Variants in SLC22A25 observed in about 807,000 individuals in gnomAD.
SLC22A25 encodes the protein MGI:2442751, MGI:2385316, MGI:3042283, MGI:3645714, MGI:3605624, MGI:2442750.
Under a neutral mutation model 45.9 loss-of-function variants are expected in SLC22A25, and 44 were observed. The observed-to-expected ratio is 0.96, with a 90% CI of 0.75 to 1.23. The LOEUF (loss-of-function observed/expected upper bound fraction) is 1.23, where lower values mean the gene tolerates loss of function less well. Ranked by LOEUF, SLC22A25 falls within the 50% of genes most tolerant of loss-of-function variation. The pLI is 0.00. For synonymous variants in SLC22A25, 283 were observed against 238.6 expected, an observed-to-expected ratio of 1.19 and a Z score of -1.72; for missense variants, 800 against 666.4, an observed-to-expected ratio of 1.20 and a Z score of -2.21.
rs776976978 is a variant in SLC22A25 at position 63,180,753 on chromosome 11, T to C, written c.977A>G (p.Gln326Arg). 1 of 1,613,088 alleles carries C rather than the reference T, an allele frequency of 6.2e-7. No homozygotes were observed. Among genetic ancestry groups the C allele is most frequent in the South Asian group, 1.1e-5 (1 of 90,970 alleles). Residue 326 changes from glutamine to arginine, a missense_variant, in exon 9 of 12, where the codon CAA becomes CGA. Coordinates refer to ENST00000306494, the MANE Select transcript of SLC22A25 (RefSeq NM_199352.6). The stretch of plus-strand genomic sequence containing the variant: ...CTTTTTCTGTGCTGCCTCCAGTTCT[T>C]GCTTCATGGTGGATTTCAAAACCTT... The part of the protein sequence containing the change: ...TMEVLKSTMK[Q>R]ELEAAQKKHS...
intron 5 of SLC22A25, among the ~76,000 whole-genome samples, chr11:63,226,116 A>G (rs538063985): frequency 6.6e-6 from 1 of 152,166 alleles, no homozygotes; most frequent in Admixed American, 6.5e-5. Context: ...AAGGTCACAT[A>G]TCTGTCTCTC....
chr11:63,178,486 T>C (rs2088199220), intron 9 of SLC22A25, among the ~76,000 whole-genome samples: 1 of 151,716 alleles, frequency 6.6e-6, no homozygotes, highest in South Asian at 2.1e-4. Context: ...ATTTTTTTTT[T>C]TGTCTTTTTG....
intron 7 of SLC22A25, among the ~76,000 whole-genome samples, chr11:63,213,853 T>C (rs1219200386): frequency 6.6e-6 from 1 of 152,162 alleles, no homozygotes; most frequent in East Asian, 1.9e-4. Context: ...AGCAGTTTCA[T>C]AACAGATGGG....
intron 5 of SLC22A25, chr11:63,218,100 T>C (rs985211249): frequency 4.2e-6 from 2 of 473,922 alleles, no homozygotes; most frequent in South Asian, 3.1e-5. Context: ...GAAGCACTAT[T>C]CACAGTAGCA....
chr11:63,167,469 A>G (rs2087725884), intron 9 of SLC22A25: 1 of 152,238 alleles, frequency 6.6e-6, no homozygotes, highest in Non-Finnish European at 1.5e-5. Flanking sequence ...GGGATGATCA[A>G]CCTTGGTGGG....
intron 3 of SLC22A25, among the ~76,000 whole-genome samples, chr11:63,234,872 T>G (rs934050199): frequency 3.9e-5 from 6 of 152,322 alleles, no homozygotes; most frequent in African/African-American, 1.4e-4. Flanking sequence ...GTGTGTAAAT[T>G]ATTTCATTTC....
At chr11:63,221,662 G>A (rs921636383) in intron 5 of SLC22A25, among the ~76,000 whole-genome samples, 7 of 151,884 alleles carry the variant, frequency 4.6e-5, no homozygotes, top group African/African-American at 1.2e-4. Flanking sequence ...TTTTTGCATC[G>A]TTTGCCTGTG....
intron 7 of SLC22A25, among the ~76,000 whole-genome samples, chr11:63,190,100 A>G (rs2088741804): frequency 6.6e-6 from 1 of 152,110 alleles, no homozygotes; most frequent in African/African-American, 2.4e-5. Flanking sequence ...CTGCCTTGCT[A>G]GATTGGGGAA....
intron 1 of SLC22A25, among the ~76,000 whole-genome samples, chr11:63,239,399 TTA>T (rs1164665323): frequency 6.6e-6 from 1 of 152,212 alleles, no homozygotes; most frequent in Non-Finnish European, 1.5e-5. Context: ...TTGTGAAAAT[TTA>T]TGTTATCAGC....
At position 63,166,280 on chromosome 11, in the gene SLC22A25, G is replaced by A. The variant is rs1003718616; in HGVS notation, c.1071-22C>T. ...AAATCTGCAGGGAACACAGAAAAAG[G>A]CACATATTATAATCTGTGGAACCTA... is the stretch of plus-strand genomic sequence containing the variant. On this transcript the variant is annotated intron_variant, in intron 9 of 11. Coordinates refer to ENST00000306494, the MANE Select transcript of SLC22A25 (RefSeq NM_199352.6). 6.8e-6 allele frequency: 11 copies of A among 1,612,570 alleles called. No homozygotes were observed. The African/African-American group carries it at 1.2e-4, about 18-fold the overall frequency.
intron 5 of SLC22A25, among the ~76,000 whole-genome samples, chr11:63,222,348 G>C (rs2089871895): frequency 6.6e-6 from 1 of 151,878 alleles, no homozygotes; most frequent in Non-Finnish European, 1.5e-5. Flanking sequence ...TCACTTCTTA[G>C]GTTATATTCT....
At position 63,161,593 on chromosome 11, in the gene SLC22A25, T is replaced by C. The variant is rs1475283896; in HGVS notation, c.*2231A>G. Reference sequence around the variant, plus strand: ...AATCTCACATGATCTGATGGTTTTATAAAAGGGAGTTTCCCTGCAAAAATT... The same window carrying C: ...AATCTCACATGATCTGATGGTTTTACAAAAGGGAGTTTCCCTGCAAAAATT... On this transcript the variant is annotated 3_prime_UTR_variant, in exon 12 of 12. Transcript: ENST00000306494. 6.6e-6 allele frequency among the ~76,000 whole-genome samples: 1 copy of C among 152,176 alleles called. No homozygotes were observed. The highest frequency in any genetic ancestry group is 1.5e-5 in the Non-Finnish European group (1 of 68,028).
At chr11:63,211,121 A>C (rs1033573253) in intron 7 of SLC22A25, among the ~76,000 whole-genome samples, 3 of 151,408 alleles carry the variant, frequency 2.0e-5, no homozygotes, top group Non-Finnish European at 2.9e-5. Context: ...GCTGAGGAAA[A>C]CCCCCCTGGA....
At chr11:63,181,711 C>T (rs933054658) in intron 8 of SLC22A25, among the ~76,000 whole-genome samples, 1 of 152,016 alleles carries the variant, frequency 6.6e-6, no homozygotes, top group Admixed American at 6.6e-5. Context: ...AGATTGCATT[C>T]AAGTCTGCTT....
chr11:63,214,271 C>T (rs943583005), intron 7 of SLC22A25, among the ~76,000 whole-genome samples: 4 of 152,158 alleles, frequency 2.6e-5, no homozygotes, highest in African/African-American at 4.8e-5. Flanking sequence ...CACACTACTG[C>T]GCAGTTGATA....
At chr11:63,184,959 G>A (rs2088468929) in intron 7 of SLC22A25, among the ~76,000 whole-genome samples, 1 of 152,018 alleles carries the variant, frequency 6.6e-6, no homozygotes, top group African/African-American at 2.4e-5. Flanking sequence ...ATATGGATAG[G>A]AATGAAGTTC....
At position 63,163,337 on chromosome 11, in the gene SLC22A25, C is replaced by T. The variant is rs375781510; in HGVS notation, c.*487G>A. Among the ~76,000 whole-genome samples, 58 of 152,228 alleles carry T rather than the reference C, an allele frequency of 3.8e-4. No individual in the cohort carries two copies. Among genetic ancestry groups the T allele is most frequent in the Non-Finnish European group, 6.2e-4 (42 of 68,024 alleles). ...CCCTTTTCCAACGCTTTTTTTCCCC[C>T]GTGAAAATTAGATAGACTGAATCTC... is the stretch of plus-strand genomic sequence containing the variant. On this transcript the variant is annotated 3_prime_UTR_variant, in exon 12 of 12. Transcript: ENST00000306494.
At chr11:63,168,503 G>C (rs1338015134) in intron 9 of SLC22A25, among the ~76,000 whole-genome samples, 1 of 152,102 alleles carries the variant, frequency 6.6e-6, no homozygotes, top group Admixed American at 6.6e-5. Context: ...AACACAGCAC[G>C]AGAACTTTGT....
At chr11:63,201,214 A>T (rs1036648969) in intron 7 of SLC22A25, among the ~76,000 whole-genome samples, 2 of 152,178 alleles carry the variant, frequency 1.3e-5, no homozygotes, top group Admixed American at 1.3e-4. Flanking sequence ...AAGCAAAAGA[A>T]ATGAAGCTGG....
Sources: allele counts gnomAD v4.1 joint callset (sites outside exome capture counted in the v4.1 genomes callset), GRCh38; gene constraint gnomAD v4.1.1; transcripts MANE v1.5; gene names NCBI Gene and HGNC (gene_info 2026-07-23, HGNC 2026-07-21).